The following NRG3 variants were observed in gnomAD, a reference collection of about 807,000 sequenced individuals.
NRG3 encodes the protein pro-neuregulin-3, membrane-bound isoform.
NRG3 carries 31 observed loss-of-function variants against 66.9 expected under a neutral mutation model. The observed-to-expected ratio is 0.46, with a 90% CI of 0.35 to 0.63. NRG3 has a LOEUF of 0.63. Ranked by LOEUF, NRG3 falls within the 20% of genes least tolerant of loss-of-function variation. The probability of loss-of-function intolerance (pLI) is 0.00; values close to 1 mark genes in which losing one functional copy is unlikely to be tolerated. For synonymous variants in NRG3, 393 were observed against 359.4 expected (o/e 1.09, Z -1.06); for missense variants, 910 against 878.9 (o/e 1.04, Z -0.45).
At chr10:82,881,723 T>C (rs1194433097) in intron 4 of NRG3, among the ~76,000 whole-genome samples, 1 of 152,228 alleles carries the variant, frequency 6.6e-6, no homozygotes, top group Non-Finnish European at 1.5e-5. Context: ...TATGTATGTG[T>C]GTATGTATCT....
intron 2 of NRG3, among the ~76,000 whole-genome samples, chr10:82,487,089 T>A (rs1466161686): frequency 1.3e-5 from 2 of 148,462 alleles, no homozygotes; most frequent in Non-Finnish European, 3.0e-5. Context: ...TAATACACTA[T>A]ATATATCTAT....
chr10:82,238,255 C>G (rs1401271300), intron 1 of NRG3, among the ~76,000 whole-genome samples: 2 of 151,926 alleles, frequency 1.3e-5, no homozygotes, highest in Non-Finnish European at 2.9e-5. Flanking sequence ...AGACTACATT[C>G]TAAGCATCAA....
intron 1 of NRG3, among the ~76,000 whole-genome samples, chr10:82,296,258 C>T (rs2080054191): frequency 6.6e-6 from 1 of 152,164 alleles, no homozygotes; most frequent in Admixed American, 6.5e-5. Flanking sequence ...AATGTTTAAA[C>T]TCGTCCCAAA....
At chr10:82,043,689 A>G (rs1296489975) in intron 1 of NRG3, among the ~76,000 whole-genome samples, 1 of 152,002 alleles carries the variant, frequency 6.6e-6, no homozygotes, top group African/African-American at 2.4e-5. Context: ...TTTGCTTTAT[A>G]TTATATATTT....
intron 1 of NRG3, among the ~76,000 whole-genome samples, chr10:82,097,581 A>T (rs2066437873): frequency 1.3e-5 from 2 of 151,698 alleles, no homozygotes; most frequent in African/African-American, 4.8e-5. Flanking sequence ...GCACATTAGC[A>T]TATGGCTTTT....
chr10:82,875,150 G>A (rs1175829577), intron 4 of NRG3, among the ~76,000 whole-genome samples: 1 of 152,176 alleles, frequency 6.6e-6, no homozygotes, highest in Non-Finnish European at 1.5e-5. Context: ...TGTGTTGAAT[G>A]AAGTCATTTG....
At chr10:82,720,080 G>A (rs7098743) in intron 2 of NRG3, among the ~76,000 whole-genome samples, 23,182 of 152,094 alleles carry the variant, frequency 0.15, 3,285 homozygotes, top group African/African-American at 0.38. Flanking sequence ...TAAAATGATA[G>A]GCTTGACTTA....
chr10:82,409,029 G>C (rs1187033208), intron 2 of NRG3, among the ~76,000 whole-genome samples: 2 of 152,154 alleles, frequency 1.3e-5, no homozygotes, highest in Admixed American at 6.5e-5. Flanking sequence ...GGGAAACCTA[G>C]GTGGCCCCAT....
At chr10:82,696,966 T>A (rs1306937975) in intron 2 of NRG3, among the ~76,000 whole-genome samples, 2 of 152,240 alleles carry the variant, frequency 1.3e-5, no homozygotes, top group East Asian at 3.8e-4. Flanking sequence ...ATACGTTAGG[T>A]ACTTCTGTCA....
chr10:82,611,341 A>T (rs2048299924), intron 2 of NRG3, among the ~76,000 whole-genome samples: 1 of 151,978 alleles, frequency 6.6e-6, no homozygotes, highest in African/African-American at 2.4e-5. Context: ...ATAGGTATAC[A>T]TGTGCCCTGT....
intron 3 of NRG3, among the ~76,000 whole-genome samples, chr10:82,861,427 C>T (rs866020852): frequency 6.6e-6 from 1 of 152,114 alleles, no homozygotes; most frequent in Non-Finnish European, 1.5e-5. Context: ...TAAGAAGATT[C>T]CTACTTATCC....
chr10:82,711,236 G>A (rs748485646), intron 2 of NRG3, among the ~76,000 whole-genome samples: 6 of 152,028 alleles, frequency 3.9e-5, no homozygotes, highest in Non-Finnish European at 7.4e-5. Flanking sequence ...GTGCAACCAT[G>A]TCTGGCTATT....
chr10:82,124,792 C>G (rs752489652), intron 1 of NRG3, among the ~76,000 whole-genome samples: 12 of 151,434 alleles, frequency 7.9e-5, no homozygotes, highest in Non-Finnish European at 1.5e-5. Context: ...GAAAAAAATA[C>G]CACAGTATAA....
At chr10:82,320,749 C>G (rs576015244) in intron 1 of NRG3, among the ~76,000 whole-genome samples, 3 of 152,236 alleles carry the variant, frequency 2.0e-5, no homozygotes, top group South Asian at 4.1e-4. Flanking sequence ...AGTGGTTCCC[C>G]AGCAAAGTCC....
intron 1 of NRG3, chr10:81,877,646 C>T: frequency 2.5e-6 from 3 of 1,209,996 alleles, no homozygotes; most frequent in Non-Finnish European, 3.1e-6. Context: ...AGCAAACCTA[C>T]TTTGCTTTGG....
chr10:82,601,238 A>T (rs2047610269), intron 2 of NRG3, among the ~76,000 whole-genome samples: 1 of 152,218 alleles, frequency 6.6e-6, no homozygotes, highest in South Asian at 2.1e-4. Flanking sequence ...TATTGTGAAT[A>T]GTACTGTGAT....
intron 1 of NRG3, among the ~76,000 whole-genome samples, chr10:82,132,542 T>TATG (rs2068998144): frequency 2.3e-5 from 3 of 130,932 alleles, no homozygotes; most frequent in Non-Finnish European, 3.1e-5. Flanking sequence ...ATATGATATA[T>TATG]ATATATCTTT....
chr10:82,355,681 T>G (rs978463578), intron 1 of NRG3, among the ~76,000 whole-genome samples: 1 of 152,210 alleles, frequency 6.6e-6, no homozygotes, highest in Non-Finnish European at 1.5e-5. Context: ...AATTTGCCTA[T>G]ATTTCCATAC....
At chr10:82,576,294 T>TG (rs2046028866) in intron 2 of NRG3, among the ~76,000 whole-genome samples, 1 of 151,708 alleles carries the variant, frequency 6.6e-6, no homozygotes, top group African/African-American at 2.4e-5. Context: ...TTTTGCTTAC[T>TG]GGGCATTTCT....
Sources: gnomAD v4.1 joint callset for allele counts (sites outside exome capture counted in the v4.1 genomes callset) on GRCh38, gnomAD v4.1.1 for gene constraint, MANE v1.5 for transcripts, NCBI Gene and HGNC (gene_info 2026-07-23, HGNC 2026-07-21) for gene names.